Variants in PCDHA5 observed in about 807,000 individuals in gnomAD.
PCDHA5 encodes the protein protocadherin alpha-5.
In PCDHA5, 43 loss-of-function variants were observed where a neutral mutation model predicts 61.6. The ratio of observed to expected loss-of-function variants is 0.70; its 90% CI spans 0.55 to 0.90. The LOEUF is 0.90. PCDHA5 is among the 40% of genes least tolerant of loss of function. The probability of loss-of-function intolerance (pLI) is 0.00; values close to 1 mark genes in which losing one functional copy is unlikely to be tolerated. For synonymous variants in PCDHA5, 627 were observed against 543.9 expected (o/e 1.15, Z -2.13); for missense variants, 1,298 against 1,222.7 (o/e 1.06, Z -0.92).
intron 1 of PCDHA5, chr5:140,830,167 G>T (rs1247870585): frequency 1.9e-6 from 3 of 1,613,430 alleles, no homozygotes; most frequent in Non-Finnish European, 2.5e-6. Context: ...CAGAGGCGGC[G>T]CTGGTGGATG....
intron 1 of PCDHA5, chr5:140,857,702 G>C: frequency 6.3e-7 from 1 of 1,597,414 alleles, no homozygotes; most frequent in Non-Finnish European, 8.6e-7. Context: ...GACGCTGCAG[G>C]TGTTCGTGCT....
intron 1 of PCDHA5, chr5:140,968,462 A>G: frequency 6.2e-7 from 1 of 1,614,104 alleles, no homozygotes; most frequent in African/African-American, 1.3e-5. Flanking sequence ...TGTGACTGCC[A>G]ACGTATATGT....
chr5:140,929,713 G>A (rs1328262633), intron 1 of PCDHA5: 3 of 235,294 alleles, frequency 1.3e-5, no homozygotes, highest in Non-Finnish European at 2.6e-5. Flanking sequence ...TAATATGGAA[G>A]GTGAAACATT....
intron 1 of PCDHA5, chr5:140,856,004 T>C (rs782001586): frequency 6.5e-7 from 1 of 1,538,284 alleles, no homozygotes; most frequent in Non-Finnish European, 8.8e-7. Context: ...GTATGTGCGT[T>C]CTAGACCGCT....
rs782459189 is a variant in PCDHA5 at position 140,823,483 on chromosome 5, G to T, written c.1708G>T (p.Gly570Cys). Residue 570 changes from glycine to cysteine, a missense_variant, in exon 1 of 4, where the codon GGT (glycine) becomes TGT (cysteine). Coordinates refer to ENST00000529859, the MANE Select transcript of PCDHA5 (RefSeq NM_018908.3). ...NAPALLVPRV[G>C]GTGGAVSELV... The stretch of plus-strand genomic sequence containing the variant: ...GCCGGCGCTGCTGGTGCCTCGAGTG[G>T]GTGGCACCGGCGGCGCAGTGAGCGA... 1.9e-6 allele frequency: 3 copies of T among 1,613,434 alleles called. No individual in the cohort carries two copies. The highest frequency in any genetic ancestry group is 1.7e-6 in the Non-Finnish European group (2 of 1,179,716).
chr5:140,883,954 T>A (rs2059908896), intron 1 of PCDHA5: 1 of 1,612,680 alleles, frequency 6.2e-7, no homozygotes, highest in Non-Finnish European at 8.5e-7. Flanking sequence ...ACGACAACGC[T>A]CCGGCGCTGC....
At chr5:140,893,219 G>T (rs1273209081) in intron 1 of PCDHA5, among the ~76,000 whole-genome samples, 1 of 152,194 alleles carries the variant, frequency 6.6e-6, no homozygotes. Context: ...GGAGGTGCAG[G>T]TATCACTTTG....
In PCDHA5 at chr5:140,882,349, T is replaced by G. The variant is rs782020720; in HGVS notation, c.2352+58222T>G. On this transcript the variant is annotated intron_variant, in intron 1 of 3. Transcript: ENST00000529859. ...TGATCCTCGCAGCCTGGGAGACGGG[T>G]AGTGGCCAGCTCCACTACTCCGTCC... 9 of 1,613,872 alleles carry G rather than the reference T, an allele frequency of 5.6e-6. No individual in the cohort carries two copies. The Admixed American group carries it at 1.3e-4, about 24-fold the overall frequency.
At chr5:140,883,705 T>G (rs251380) in intron 1 of PCDHA5, 1,065,865 of 1,613,504 alleles carry the variant, frequency 0.66, 353,266 homozygotes, top group Middle Eastern at 0.71. Flanking sequence ...CGGTGTCTGC[T>G]CAGGACGCGG....
At chr5:140,902,611 A>G (rs924512539) in intron 1 of PCDHA5, among the ~76,000 whole-genome samples, 1 of 151,996 alleles carries the variant, frequency 6.6e-6, no homozygotes, top group East Asian at 1.9e-4. Flanking sequence ...TTTCAGTTAC[A>G]TGGGTAAGTT....
chr5:140,986,366 G>A (rs149115330), intron 3 of PCDHA5, among the ~76,000 whole-genome samples: 226 of 152,252 alleles, frequency 1.5e-3, no homozygotes, highest in African/African-American at 5.1e-3. Context: ...GGAGGAATGC[G>A]TTTTGGGGGG....
At position 140,925,553 on chromosome 5, in the gene PCDHA5, A is replaced by G. The variant is rs183194732; in HGVS notation, c.2353-53396A>G. 8.0e-3 allele frequency among the ~76,000 whole-genome samples: 1,211 copies of G among 152,074 alleles called. 7 individuals carry two copies. The highest frequency in any genetic ancestry group is 0.019 in the African/African-American group (785 of 41,482). On this transcript the variant is annotated intron_variant, in intron 1 of 3. Transcript: ENST00000529859. The stretch of plus-strand genomic sequence containing the variant: ...AGGAGAAATACCTAATGTAAATGAC[A>G]AGTTAATGGGTGCAGCACACCAACA...
At chr5:140,870,388 G>C in intron 1 of PCDHA5, 1 of 1,614,232 alleles carries the variant, frequency 6.2e-7, no homozygotes, top group Non-Finnish European at 8.5e-7. Flanking sequence ...TGCGCGGGAT[G>C]GGGGTTCGCC....
chr5:140,988,156 C>A (rs546335543), intron 3 of PCDHA5, among the ~76,000 whole-genome samples: 1 of 152,054 alleles, frequency 6.6e-6, no homozygotes, highest in Non-Finnish European at 1.5e-5. Flanking sequence ...CAACTTCTGC[C>A]GTTGTCATAG....
chr5:140,882,420 A>C, intron 1 of PCDHA5: 1 of 1,614,046 alleles, frequency 6.2e-7, no homozygotes, highest in East Asian at 2.2e-5. Context: ...ATCGCTCAGG[A>C]CCTGGGGCTG....
intron 1 of PCDHA5, among the ~76,000 whole-genome samples, chr5:140,957,748 G>T (rs2095381433): frequency 6.6e-6 from 1 of 152,080 alleles, no homozygotes; most frequent in South Asian, 2.1e-4. Context: ...GACATGAAAG[G>T]ATGTTCATTA....
In PCDHA5 at chr5:140,870,564, G is replaced by A. The variant is rs782511789; in HGVS notation, c.2352+46437G>A. ...GGGACGCGGACGCGCAGGAGAACGCGCTGGTGTCCTACTCGCTGGTGGAGC... is the reference window on the plus strand; with the variant it reads ...GGGACGCGGACGCGCAGGAGAACGCACTGGTGTCCTACTCGCTGGTGGAGC... On this transcript the variant is annotated intron_variant, in intron 1 of 3. Coordinates refer to ENST00000529859, the MANE Select transcript of PCDHA5 (RefSeq NM_018908.3). 2.5e-6 allele frequency: 4 copies of A among 1,613,884 alleles called. No individual in the cohort carries two copies. In the African/African-American group the frequency reaches 4.0e-5, roughly 16 times the overall value.
chr5:140,902,203 C>CTTTTTTTT (rs148688132), intron 1 of PCDHA5, among the ~76,000 whole-genome samples: 9 of 124,444 alleles, frequency 7.2e-5, no homozygotes, highest in Non-Finnish European at 8.4e-5. Context: ...CTCTCTCTTT[C>CTTTTTTTT]TTTTTTTTTT....
chr5:140,961,338 G>C (rs1554225370), intron 1 of PCDHA5, among the ~76,000 whole-genome samples: 1 of 152,170 alleles, frequency 6.6e-6, no homozygotes, highest in Non-Finnish European at 1.5e-5. Flanking sequence ...GAGACCAAGA[G>C]TGGATCCCTG....
Sources: allele counts gnomAD v4.1 joint callset (sites outside exome capture counted in the v4.1 genomes callset), GRCh38; gene constraint gnomAD v4.1.1; transcripts MANE v1.5; gene names NCBI Gene and HGNC (gene_info 2026-07-23, HGNC 2026-07-21).